Variants in CHRNA4 observed in about 807,000 individuals in gnomAD.
CHRNA4 encodes cholinergic receptor nicotinic alpha 4 subunit.
Under a neutral mutation model 48.9 loss-of-function variants are expected in CHRNA4, and 28 were observed. The observed-to-expected ratio is 0.57, with a 90% CI of 0.42 to 0.79. The LOEUF (loss-of-function observed/expected upper bound fraction) is 0.79. Ranked by LOEUF, CHRNA4 falls within the 30% of genes least tolerant of loss-of-function variation. CHRNA4 has a pLI of 0.00. For missense variants in CHRNA4, 859 were observed against 898.4 expected, an observed-to-expected ratio of 0.96 and a Z score of 0.56; for synonymous variants, 425 against 402.3, an observed-to-expected ratio of 1.06 and a Z score of -0.68.
chr20:63,350,420 G>A lies in CHRNA4; in HGVS notation c.991C>T (p.His331Tyr). The A allele has an allele frequency of 6.2e-7, 1 of 1,613,936 alleles. No individual in the cohort carries two copies. Among genetic ancestry groups the A allele is most frequent in the Non-Finnish European group, 8.5e-7 (1 of 1,180,036 alleles). The change falls in exon 5 of 6, where the codon CAC (histidine) becomes TAC (tyrosine). Residue 331 changes from histidine (H) to tyrosine (Y), a missense_variant. This residue lies in a region of CHRNA4 where 478 missense variants were observed against 455.4 expected (regional missense o/e 1.05). Coordinates refer to ENST00000370263, the MANE Select transcript of CHRNA4 (RefSeq NM_000744.7). ...GTGTGCGTGCGTGGCGAGCGGTGGTGCACGTTGAGCACGAAGACCGTGATG... is the reference window on the plus strand; with the variant it reads ...GTGTGCGTGCGTGGCGAGCGGTGGTACACGTTGAGCACGAAGACCGTGATG... ...IVITVFVLNV[H>Y]HRSPRTHTMP...
intron 5 of CHRNA4, among the ~76,000 whole-genome samples, chr20:63,348,534 G>A (rs572829611): frequency 6.6e-6 from 1 of 152,312 alleles, no homozygotes; most frequent in African/African-American, 2.4e-5. Flanking sequence ...AGATGCGTCC[G>A]AATAAACCAT....
intron 5 of CHRNA4, among the ~76,000 whole-genome samples, chr20:63,349,037 G>A (rs1221935110): frequency 1.3e-5 from 2 of 152,034 alleles, no homozygotes; most frequent in East Asian, 3.9e-4. Flanking sequence ...GGCCCCGGGG[G>A]GCCTTAGCCG....
At position 63,359,539 on chromosome 20, in the gene CHRNA4, C is replaced by T. The variant is rs1441605887; in HGVS notation, c.228+9G>A. On this transcript the variant is annotated intron_variant, in intron 2 of 5. Coordinates refer to ENST00000370263, the MANE Select transcript of CHRNA4 (RefSeq NM_000744.7). ...AGTCACAGTGCACGATGGCCACGCC[C>T]TCACCTACCACGTCAATGAGCTGAG... The T allele has an allele frequency of 6.2e-7, 1 of 1,612,480 alleles. No homozygotes were observed. Among genetic ancestry groups the T allele is most frequent in the East Asian group, 2.2e-5 (1 of 44,890 alleles).
Position 63,350,063 on chromosome 20 carries a change from G to C in CHRNA4, c.1348C>G (p.Arg450Gly). ...GGTGCCTGGGTGCCGTGGGGCGGGC[G>C]GCAGGGTCCAGGCGAGGGGTGGGGG... is the stretch of plus-strand genomic sequence containing the variant. ...ASPHPSPGPC[R>G]PPHGTQAPGL... Residue 450 changes from arginine to glycine, a missense_variant, in exon 5 of 6, where the codon CGC (arginine) becomes GGC (glycine). Arg to Gly is a moderately radical substitution (Grantham distance 125). Transcript: ENST00000370263. 6.6e-7 allele frequency: 1 copy of C among 1,514,342 alleles called. No homozygotes were observed. Among genetic ancestry groups the C allele is most frequent in the Non-Finnish European group, 8.9e-7 (1 of 1,129,780 alleles). 93.8% of individuals were successfully genotyped at this position (1,514,342 alleles called of 1,614,324 possible). A position where few individuals can be genotyped will look rare whatever the true frequency, so the allele number is the denominator to read the frequency against.
intron 2 of CHRNA4, among the ~76,000 whole-genome samples, chr20:63,357,272 A>G (rs1297992253): frequency 6.6e-6 from 1 of 151,874 alleles, no homozygotes; most frequent in East Asian, 1.9e-4. Flanking sequence ...GTCTCCGTGC[A>G]GGGCCATATC....
chr20:63,360,891 G>T (rs2068808324), intron 1 of CHRNA4, 199 bp downstream of exon 1: 2 of 432,084 alleles, frequency 4.6e-6, no homozygotes, highest in Non-Finnish European at 8.1e-6. Flanking sequence ...ATTCGCCGGC[G>T]GTCAACTCCC....
intron 2 of CHRNA4, among the ~76,000 whole-genome samples, chr20:63,359,204 T>G (rs1036248852): frequency 5.3e-5 from 8 of 152,126 alleles, no homozygotes; most frequent in African/African-American, 1.9e-4. Flanking sequence ...CGGTTGTCCC[T>G]GTTGCTCCGA....
chr20:63,356,483 A>C, intron 2 of CHRNA4, 68 bp from the exon 3 acceptor site: 3 of 1,468,018 alleles, frequency 2.0e-6, no homozygotes, highest in Non-Finnish European at 2.8e-6. Flanking sequence ...AGGTTTCCTC[A>C]TCTACAGCCA....
At chr20:63,359,519 C>T in intron 2 of CHRNA4, 29 bp downstream of exon 2, 2 of 1,612,370 alleles carry the variant, frequency 1.2e-6, no homozygotes, top group South Asian at 1.1e-5. Context: ...ACCTCAGTCA[C>T]AGTGCACGAT....
intron 4 of CHRNA4, among the ~76,000 whole-genome samples, chr20:63,351,878 A>G (rs964144007): frequency 2.0e-5 from 3 of 152,196 alleles, no homozygotes; most frequent in African/African-American, 7.2e-5. Flanking sequence ...CCCTGGTTCC[A>G]TAGACAGCGG....
In CHRNA4 at chr20:63,359,661, G is replaced by T; in HGVS notation, c.115C>A (p.Arg39=). ...HVETRAHAEE[R]LLKKLFSGYN... is the part of the protein sequence containing the mutation. ...CCGGAGAAGAGTTTCTTCAGGAGCC[G>T]CTCCTCGGCGTGGGCCCGGGTCTCC... Residue 39 remains arginine (R), a synonymous_variant, in exon 2 of 6, where the codon CGG becomes AGG. Transcript: ENST00000370263. The T allele has an allele frequency of 1.9e-6, 3 of 1,612,010 alleles. No individual in the cohort carries two copies. Among genetic ancestry groups the T allele is most frequent in the Non-Finnish European group, 2.5e-6 (3 of 1,179,902 alleles).
chr20:63,350,037 T>G lies in CHRNA4; in HGVS notation c.1374A>C (p.Pro458=). The G allele has an allele frequency of 6.6e-7, 1 of 1,518,372 alleles. No individual in the cohort carries two copies. The highest frequency in any genetic ancestry group is 8.8e-7 in the Non-Finnish European group (1 of 1,132,798). The allele number at this position is 1,518,372 out of a possible 1,614,324, so 94.1% of individuals were successfully genotyped here. ...TGAGGGACCTGGCTTTGGCCAGCCC[T>G]GGTGCCTGGGTGCCGTGGGGCGGGC... ...PCRPPHGTQA[P]GLAKARSLSV... is the part of the protein sequence containing the mutation. Residue 458 remains proline, a synonymous_variant, in exon 5 of 6, where the codon CCA becomes CCC. Coordinates refer to ENST00000370263, the MANE Select transcript of CHRNA4 (RefSeq NM_000744.7).
Position 63,350,782 on chromosome 20 carries a change from A to T in CHRNA4, c.629T>A (p.Val210Asp), listed in dbSNP as rs1252975373. The change falls in exon 5 of 6, where the codon GTC becomes GAC. Residue 210 changes from valine to aspartate, a missense_variant. Val to Asp is a radical substitution (Grantham distance 152). Coordinates refer to ENST00000370263, the MANE Select transcript of CHRNA4 (RefSeq NM_000744.7). ...GTAGGTGCCCACGGCATCCACGATG[A>T]CCCACTCGCCACTCTCCCAGAAGTC... ...QLDFWESGEW[V>D]IVDAVGTYNT... is the part of the protein sequence containing the mutation. 1.2e-6 allele frequency: 2 copies of T among 1,613,364 alleles called. No individual in the cohort carries two copies. Among genetic ancestry groups the T allele is most frequent in the Non-Finnish European group, 1.7e-6 (2 of 1,179,862 alleles).
At chr20:63,354,168 C>T (rs1300895667) in intron 4 of CHRNA4, among the ~76,000 whole-genome samples, 1 of 94,988 alleles carries the variant, frequency 1.1e-5, no homozygotes, top group East Asian at 3.4e-4. Flanking sequence ...TCCTGGGGGC[C>T]TGTGGTCCTG....
chr20:63,360,073 G>C (rs567768981), intron 1 of CHRNA4: 4 of 324,824 alleles, frequency 1.2e-5, no homozygotes, highest in Non-Finnish European at 2.4e-5. Flanking sequence ...AAAACCAGGC[G>C]GCGGATGGGC....
Position 63,350,692 on chromosome 20 carries a change from C to T in CHRNA4, c.719G>A (p.Arg240Gln), listed in dbSNP as rs78695425. 6 of 1,613,766 alleles carry T rather than the reference C, an allele frequency of 3.7e-6. No individual in the cohort carries two copies. Among genetic ancestry groups the T allele is most frequent in the East Asian group, 2.2e-5 (1 of 44,870 alleles). ...GATGGTGTAGAAGAGCGGCAGCCGC[C>T]GGATGACGAAGGCATAGGTGATGTC... ...YPDITYAFVI[R>Q]RLPLFYTINL... The change falls in exon 5 of 6, where the codon CGG (arginine) becomes CAG (glutamine). Residue 240 changes from arginine (R) to glutamine (Q), a missense_variant. Arg to Gln is a conservative substitution (Grantham distance 43). This residue lies in a region of CHRNA4 where 342 missense variants were observed against 365.3 expected (regional missense o/e 0.94). Transcript: ENST00000370263.
chr20:63,346,217 C>G lies in CHRNA4; in HGVS notation c.*521G>C. 2 of 454,314 alleles carry G rather than the reference C, an allele frequency of 4.4e-6. No homozygotes were observed. The highest frequency in any genetic ancestry group is 8.8e-6 in the Non-Finnish European group (2 of 226,958). 28.1% of individuals were successfully genotyped at this position (454,314 alleles called of 1,614,324 possible). ...GCAGATTGGAGCGCTGCTGGCTCAC[C>G]CTCATGGGGCCCGAGAGGCTCAAGG... is the stretch of plus-strand genomic sequence containing the variant. On this transcript the variant is annotated 3_prime_UTR_variant, in exon 6 of 6. Coordinates refer to ENST00000370263, the MANE Select transcript of CHRNA4 (RefSeq NM_000744.7).
intron 4 of CHRNA4, among the ~76,000 whole-genome samples, chr20:63,354,009 G>T (rs75898014): frequency 0.027 from 2,629 of 99,108 alleles, 27 homozygotes; most frequent in Non-Finnish European, 0.04. Flanking sequence ...CTGGCGGGGG[G>T]GCTGCGGTCC....
Position 63,349,963 on chromosome 20 carries a change from C to A in CHRNA4, c.1448G>T (p.Arg483Leu). 1 of 1,563,002 alleles carries A rather than the reference C, an allele frequency of 6.4e-7. No homozygotes were observed. Among genetic ancestry groups the A allele is most frequent in the Non-Finnish European group, 8.7e-7 (1 of 1,153,104 alleles). Residue 483 changes from arginine (R) to leucine (L), a missense_variant, in exon 5 of 6, where the codon CGG becomes CTG. Physicochemically the swap from Arg to Leu is moderately radical, Grantham distance 102 (BLOSUM62 -2). This residue lies in a region of CHRNA4 where 478 missense variants were observed against 455.4 expected (regional missense o/e 1.05). Coordinates refer to ENST00000370263, the MANE Select transcript of CHRNA4 (RefSeq NM_000744.7). ...SPGEAVEGGV[R>L]CRSRSIQYCV... is the part of the protein sequence containing the mutation. ...GTACTGGATGCTCCGAGACCGGCACCGGACGCCGCCTTCCACCGCTTCGCC... is the reference window on the plus strand; with the variant it reads ...GTACTGGATGCTCCGAGACCGGCACAGGACGCCGCCTTCCACCGCTTCGCC...
Sources: gnomAD v4.1 joint callset for allele counts (sites outside exome capture counted in the v4.1 genomes callset) on GRCh38, gnomAD v4.1.1 for gene constraint, gnomAD v4.1.1 regional missense constraint, MANE v1.5 for transcripts, NCBI Gene and HGNC (gene_info 2026-07-23, HGNC 2026-07-21) for gene names.